ASTN1: variants seen among roughly 807,000 people sequenced by gnomAD.
ASTN1 encodes the protein astrotactin 1.
Under a neutral mutation model 140.7 loss-of-function variants are expected in ASTN1, and 41 were observed. The ratio of observed to expected loss-of-function variants is 0.29; its 90% confidence interval spans 0.23 to 0.38. ASTN1 has a LOEUF of 0.38. ASTN1 is among the 10% of genes least tolerant of loss of function. The probability of loss-of-function intolerance (pLI) is 1.00; values close to 1 mark genes in which losing one functional copy is unlikely to be tolerated. For missense variants in ASTN1, 1,479 were observed against 1,678.8 expected, an observed-to-expected ratio of 0.88 and a Z score of 2.08; for synonymous variants, 640 against 652.2, an observed-to-expected ratio of 0.98 and a Z score of 0.29.
At chr1:177,024,558 C>T (rs192108573) in intron 6 of ASTN1, 25 bp downstream of exon 6, 297 of 1,609,024 alleles carry the variant, frequency 1.8e-4, no homozygotes, top group Non-Finnish European at 2.1e-4. Context: ...GGGGCAAGGT[C>T]GCATCCTCAG....
downstream of ASTN1, among the ~76,000 whole-genome samples, chr1:176,860,419 G>A (rs1200379856): frequency 1.3e-5 from 2 of 152,176 alleles, no homozygotes; most frequent in African/African-American, 4.8e-5. Flanking sequence ...CCTGATTGTT[G>A]AAGAATTTAA....
chr1:176,864,665 C>T, intron 22 of ASTN1, 144 bp from the exon 23 acceptor site: 1 of 1,154,380 alleles, frequency 8.7e-7, no homozygotes, highest in South Asian at 1.7e-5. Context: ...GCACTTGGAA[C>T]AGTGAGTCCT....
intron 1 of ASTN1, among the ~76,000 whole-genome samples, chr1:177,115,728 T>C (rs184904926): frequency 5.2e-4 from 79 of 152,086 alleles, no homozygotes; most frequent in African/African-American, 1.8e-3. Flanking sequence ...GCTCATTGTT[T>C]AAAACTTGGC....
chr1:177,107,559 TC>T, intron 1 of ASTN1, among the ~76,000 whole-genome samples: 1 of 152,258 alleles, frequency 6.6e-6, no homozygotes, highest in East Asian at 1.9e-4. Context: ...CTGACTGGGT[TC>T]CCAGGAGAGC....
chr1:177,085,396 G>T (rs1360253811), intron 1 of ASTN1, among the ~76,000 whole-genome samples: 1 of 152,094 alleles, frequency 6.6e-6, no homozygotes, highest in African/African-American at 2.4e-5. Flanking sequence ...AACCTGACAA[G>T]GATCCTTATA....
chr1:176,936,313 C>G lies in ASTN1; in HGVS notation c.2435G>C (p.Arg812Pro). Residue 812 changes from arginine to proline, a missense_variant, in exon 15 of 23, where the codon CGG becomes CCG. Arg to Pro is a moderately radical substitution (Grantham distance 103, BLOSUM62 -2). Coordinates refer to ENST00000361833, the MANE Select transcript of ASTN1 (RefSeq NM_004319.3). The part of the protein sequence containing the change: ...GYPVLQHWKV[R>P]SVMYHIKLNQ... ...GAGTTTGATGTGGTACATCACAGACCGGACCTTCCAGTGCTGCAGCACAGG... is the reference window on the plus strand; with the variant it reads ...GAGTTTGATGTGGTACATCACAGACGGGACCTTCCAGTGCTGCAGCACAGG... The G allele has an allele frequency of 1.2e-6, 2 of 1,613,894 alleles. No individual in the cohort carries two copies. The highest frequency in any genetic ancestry group is 1.7e-6 in the Non-Finnish European group (2 of 1,179,970).
At chr1:176,915,047 G>C (rs1373113227) in intron 16 of ASTN1, among the ~76,000 whole-genome samples, 2 of 152,056 alleles carry the variant, frequency 1.3e-5, no homozygotes, top group African/African-American at 4.8e-5. Flanking sequence ...GTTAAAATTA[G>C]CAGGTTTCCT....
chr1:176,986,282 A>G (rs1019350105), intron 8 of ASTN1, among the ~76,000 whole-genome samples: 1 of 152,236 alleles, frequency 6.6e-6, no homozygotes, highest in African/African-American at 2.4e-5. Context: ...GGAATAAGAA[A>G]TCACTACTTT....
chr1:177,033,123 C>CTGTGTGTGTGTG (rs10603141), intron 2 of ASTN1, among the ~76,000 whole-genome samples: 2,102 of 146,282 alleles, frequency 0.014, 26 homozygotes, highest in East Asian at 0.026. Flanking sequence ...AGAAACAAGT[C>CTGTGTGTGTGTG]TGTGTGTGTG....
chr1:176,939,768 G>A lies in ASTN1; in HGVS notation c.2378-3398C>T, dbSNP rs941843687. On this transcript the variant is annotated intron_variant, in intron 14 of 22. Coordinates refer to ENST00000361833, the MANE Select transcript of ASTN1 (RefSeq NM_004319.3). ...AAAAGAATGACTGAACAGACTTTAC[G>A]GGCAATATTCAAAGCAAGAAAAAGA... is the stretch of plus-strand genomic sequence containing the variant. Among the ~76,000 whole-genome samples the A allele has an allele frequency of 8.7e-5, 13 of 149,462 alleles. 1 individual carries two copies. The South Asian group carries it at 1.5e-3, about 17-fold the overall frequency.
intron 1 of ASTN1, among the ~76,000 whole-genome samples, chr1:177,150,407 T>G: frequency 6.6e-6 from 1 of 152,132 alleles, no homozygotes; most frequent in Admixed American, 6.5e-5. Flanking sequence ...GGGAAATTGA[T>G]CTACCTCTGG....
chr1:177,140,586 G>A (rs911205139), intron 1 of ASTN1, among the ~76,000 whole-genome samples: 1 of 152,144 alleles, frequency 6.6e-6, no homozygotes, highest in African/African-American at 2.4e-5. Context: ...TGACCTATAA[G>A]TAGATTCATT....
intron 1 of ASTN1, among the ~76,000 whole-genome samples, chr1:177,138,043 G>A (rs1029126071): frequency 1.3e-5 from 2 of 152,116 alleles, no homozygotes; most frequent in Admixed American, 6.5e-5. Context: ...ATAGGGTACT[G>A]ACTTTTCCAC....
chr1:177,113,398 AT>A (rs1680915871), intron 1 of ASTN1, among the ~76,000 whole-genome samples: 1 of 152,138 alleles, frequency 6.6e-6, no homozygotes, highest in Non-Finnish European at 1.5e-5. Flanking sequence ...CAAATTGTGT[AT>A]TTTTGGATTA....
chr1:177,086,022 G>C (rs1332940857), intron 1 of ASTN1, among the ~76,000 whole-genome samples: 2 of 152,082 alleles, frequency 1.3e-5, no homozygotes, highest in Non-Finnish European at 1.5e-5. Flanking sequence ...AATGCTCCTG[G>C]AAAGGGGTCT....
At position 176,861,346 on chromosome 1, in the gene ASTN1, G is replaced by T. The variant is rs1667953839; in HGVS notation, c.*2938C>A. On this transcript the variant is annotated 3_prime_UTR_variant, in exon 23 of 23. Transcript: ENST00000361833. ...GTCTAATGCTATTACAGTGGTTCATGTACATTCAAGAGGAAACTCCAGAGG... is the reference window on the plus strand; with the variant it reads ...GTCTAATGCTATTACAGTGGTTCATTTACATTCAAGAGGAAACTCCAGAGG... 1.0e-6 allele frequency: 1 copy of T among 985,858 alleles called. No individual in the cohort carries two copies. The highest frequency in any genetic ancestry group is 4.7e-5 in the South Asian group (1 of 21,288). The allele number at this position is 985,858 out of a possible 1,614,324, so 61.1% of individuals were successfully genotyped here. A position where few individuals can be genotyped will look rare whatever the true frequency, so the allele number is the denominator to read the frequency against.
intron 7 of ASTN1, among the ~76,000 whole-genome samples, chr1:177,016,735 T>C (rs892528640): frequency 6.6e-6 from 1 of 152,198 alleles, no homozygotes; most frequent in Non-Finnish European, 1.5e-5. Context: ...CTTTGACAAA[T>C]ACTGTGCAGT....
At chr1:176,920,272 G>T (rs1010865982) in intron 16 of ASTN1, among the ~76,000 whole-genome samples, 1 of 151,996 alleles carries the variant, frequency 6.6e-6, no homozygotes, top group Non-Finnish European at 1.5e-5. Flanking sequence ...TCAGCCCCAG[G>T]GTATGAACTC....
intron 1 of ASTN1, among the ~76,000 whole-genome samples, chr1:177,113,706 G>A (rs186391817): frequency 3.9e-5 from 6 of 152,252 alleles, no homozygotes; most frequent in Middle Eastern, 3.4e-3. Flanking sequence ...GGGGCCCTCC[G>A]AACCTTGCTG....
Sources: allele counts gnomAD v4.1 joint callset (sites outside exome capture counted in the v4.1 genomes callset), GRCh38; gene constraint gnomAD v4.1.1; transcripts MANE v1.5; gene names NCBI Gene and HGNC (gene_info 2026-07-23, HGNC 2026-07-21).